CHRM3: variants seen among roughly 807,000 people sequenced by gnomAD.
CHRM3 encodes muscarinic acetylcholine receptor M3.
Under a neutral mutation model 41.8 loss-of-function variants are expected in CHRM3, and 11 were observed. That is an observed-to-expected ratio of 0.26 (90% CI 0.17 to 0.44). The LOEUF (loss-of-function observed/expected upper bound fraction) is 0.44, where lower values mean the gene tolerates loss of function less well. Ranked by LOEUF, CHRM3 falls within the 20% of genes least tolerant of loss-of-function variation. CHRM3 has a pLI of 1.00. For missense variants in CHRM3, 571 were observed against 745.4 expected (o/e 0.77, Z 2.72); for synonymous variants, 297 against 301.4 (o/e 0.99, Z 0.15).
intron 6 of CHRM3, among the ~76,000 whole-genome samples, chr1:239,892,626 A>C (rs762508833): frequency 5.2e-4 from 79 of 152,296 alleles, no homozygotes; most frequent in Admixed American, 4.6e-4. Flanking sequence ...TTAATTTTTT[A>C]TGAAAATTAT....
At chr1:239,471,497 T>C (rs532284832) in intron 1 of CHRM3, among the ~76,000 whole-genome samples, 19 of 152,338 alleles carry the variant, frequency 1.2e-4, no homozygotes, top group African/African-American at 4.6e-4. Context: ...GGGGTTGTCT[T>C]ATGGCTCAGA....
intron 6 of CHRM3, among the ~76,000 whole-genome samples, chr1:239,861,374 A>C (rs2149272008): frequency 6.6e-6 from 1 of 152,252 alleles, no homozygotes; most frequent in Non-Finnish European, 1.5e-5. Flanking sequence ...ATGAAGGATA[A>C]TTGTGTATTA....
At chr1:239,642,439 A>T (rs952656539) in intron 4 of CHRM3, among the ~76,000 whole-genome samples, 20 of 152,224 alleles carry the variant, frequency 1.3e-4, no homozygotes, top group African/African-American at 4.6e-4. Flanking sequence ...ACATAGTCCC[A>T]TATTTCTTGG....
At chr1:239,492,208 A>ATACC (rs199732269) in intron 1 of CHRM3, among the ~76,000 whole-genome samples, 2,035 of 152,208 alleles carry the variant, frequency 0.013, 35 homozygotes, top group South Asian at 0.038. Context: ...AAGTCAGCAG[A>ATACC]TACCTACCTA....
chr1:239,593,929 T>C (rs1018310731), intron 3 of CHRM3, among the ~76,000 whole-genome samples: 1 of 152,218 alleles, frequency 6.6e-6, no homozygotes, highest in Non-Finnish European at 1.5e-5. Flanking sequence ...ACCTCTTTAA[T>C]TGTGCTCTTA....
intron 1 of CHRM3, among the ~76,000 whole-genome samples, chr1:239,413,308 G>A (rs1661252733): frequency 6.6e-6 from 1 of 151,490 alleles, no homozygotes; most frequent in South Asian, 2.1e-4. Flanking sequence ...TTTATTTATT[G>A]AGACCGAGTC....
rs145930059 is a variant in CHRM3, at chr1:239,665,296, C to T, written c.-249-12890C>T. On this transcript the variant is annotated intron_variant, in intron 4 of 6. Coordinates refer to ENST00000676153, the MANE Select transcript of CHRM3 (RefSeq NM_001375978.1). ...TAATCAGCGGCCATTTTTCTGCTTT[C>T]CCTGAGCTGCTAGGCTCCTCAGCAT... Among the ~76,000 whole-genome samples the T allele has an allele frequency of 1.3e-4, 20 of 152,166 alleles. No homozygotes were observed. The East Asian group carries it at 3.9e-3, about 29-fold the overall frequency.
chr1:239,701,052 A>T (rs1572028569), intron 5 of CHRM3, among the ~76,000 whole-genome samples: 1 of 152,064 alleles, frequency 6.6e-6, no homozygotes, highest in East Asian at 1.9e-4. Context: ...CTTTACTTTT[A>T]TTTACCCTTC....
chr1:239,873,825 T>C (rs1676802510), intron 6 of CHRM3, among the ~76,000 whole-genome samples: 1 of 152,112 alleles, frequency 6.6e-6, no homozygotes, highest in East Asian at 1.9e-4. Context: ...TGATACTTGC[T>C]TTTGCTTTGG....
rs148601820 is a variant in CHRM3 at position 239,802,928 on chromosome 1, G to A, written c.-146-24324G>A. Among the ~76,000 whole-genome samples, 550 of 152,264 alleles carry A rather than the reference G, an allele frequency of 3.6e-3. 5 individuals are homozygous for A. Among genetic ancestry groups the A allele is most frequent in the Non-Finnish European group, 4.6e-3 (313 of 68,028 alleles). On this transcript the variant is annotated intron_variant, in intron 5 of 6. Transcript: ENST00000676153. ...TAGTTATTTCTAAATCTTAATTTGA[G>A]ATTTGACTTTGAGGTGCAAGGAAGC...
chr1:239,654,684 C>T (rs1672556006), intron 4 of CHRM3, among the ~76,000 whole-genome samples: 1 of 152,176 alleles, frequency 6.6e-6, no homozygotes, highest in Non-Finnish European at 1.5e-5. Flanking sequence ...CAGGCATGAG[C>T]CACCACGTCC....
At chr1:239,716,993 A>G (rs1190694551) in intron 5 of CHRM3, among the ~76,000 whole-genome samples, 1 of 152,050 alleles carries the variant, frequency 6.6e-6, no homozygotes, top group Non-Finnish European at 1.5e-5. Flanking sequence ...TTAAGGGACA[A>G]TAATTGAAAT....
intron 4 of CHRM3, among the ~76,000 whole-genome samples, chr1:239,673,135 T>C (rs1186367301): frequency 6.6e-6 from 1 of 152,102 alleles, no homozygotes; most frequent in East Asian, 1.9e-4. Flanking sequence ...GGAGAACGTG[T>C]CTGGGCCATG....
intron 6 of CHRM3, among the ~76,000 whole-genome samples, chr1:239,846,641 A>G (rs2068941): frequency 0.28 from 43,025 of 152,120 alleles, 7,114 homozygotes; most frequent in East Asian, 0.37. Context: ...CCCGAAGTGA[A>G]TTGTGAGGAA....
At chr1:239,857,927 C>T (rs533641599) in intron 6 of CHRM3, among the ~76,000 whole-genome samples, 1 of 151,992 alleles carries the variant, frequency 6.6e-6, no homozygotes, top group South Asian at 2.1e-4. Flanking sequence ...GAAGTTGCCC[C>T]GAACATTATC....
chr1:239,810,052 G>A (rs981189488), intron 5 of CHRM3, among the ~76,000 whole-genome samples: 3 of 152,182 alleles, frequency 2.0e-5, no homozygotes, highest in South Asian at 2.1e-4. Context: ...AAAGGAGGCC[G>A]CGTATGGAAT....
At chr1:239,757,644 A>G (rs1437402017) in intron 5 of CHRM3, among the ~76,000 whole-genome samples, 1 of 151,712 alleles carries the variant, frequency 6.6e-6, no homozygotes. Flanking sequence ...AAAAAAAAAA[A>G]AGAAAAGACA....
chr1:239,827,421 C>G (rs969208515), intron 6 of CHRM3, 43 bp downstream of exon 6: 4 of 152,184 alleles, frequency 2.6e-5, no homozygotes, highest in Non-Finnish European at 5.9e-5. Flanking sequence ...AAATGGATGA[C>G]TGAATAGAAG....
chr1:239,797,541 G>A (rs1669887633), intron 5 of CHRM3, among the ~76,000 whole-genome samples: 1 of 152,120 alleles, frequency 6.6e-6, no homozygotes, highest in African/African-American at 2.4e-5. Context: ...TTTGATGACT[G>A]TTTCTCAGTG....
Sources: allele counts gnomAD v4.1 joint callset (sites outside exome capture counted in the v4.1 genomes callset), GRCh38; gene constraint gnomAD v4.1.1; transcripts MANE v1.5; gene names NCBI Gene and HGNC (gene_info 2026-07-23, HGNC 2026-07-21).